Variants in CDH12 observed in about 807,000 individuals in gnomAD.
The protein encoded by CDH12 is cadherin 12.
In CDH12, 41 loss-of-function variants were observed where a neutral mutation model predicts 74.1. The ratio of observed to expected loss-of-function variants is 0.55; its 90% CI spans 0.43 to 0.72. The LOEUF (loss-of-function observed/expected upper bound fraction) is 0.72, where lower values mean the gene tolerates loss of function less well. Among genes scored for constraint, CDH12 ranks in the 30% least tolerant of loss-of-function variants. The pLI, the probability that CDH12 is intolerant of heterozygous loss-of-function variation, is 0.00. For synonymous variants in CDH12, 399 were observed against 355.0 expected (o/e 1.12, Z -1.39); for missense variants, 945 against 977.2 (o/e 0.97, Z 0.44).
intron 4 of CDH12, among the ~76,000 whole-genome samples, chr5:22,169,959 C>T (rs1296987139): frequency 1.3e-5 from 2 of 151,860 alleles, no homozygotes; most frequent in African/African-American, 4.8e-5. Flanking sequence ...GGTCCTATTT[C>T]TTAAAGTTAT....
intron 1 of CDH12, among the ~76,000 whole-genome samples, chr5:22,569,104 T>C (rs1739424280): frequency 6.6e-6 from 1 of 152,222 alleles, no homozygotes; most frequent in South Asian, 2.1e-4. Context: ...TAGCATTTGA[T>C]CCACAGTAGA....
chr5:22,053,036 T>G (rs1217828766), intron 5 of CDH12, among the ~76,000 whole-genome samples: 1 of 151,904 alleles, frequency 6.6e-6, no homozygotes, highest in Non-Finnish European at 1.5e-5. Flanking sequence ...TATATTTTTT[T>G]AAATTTAAGA....
chr5:22,233,298 C>CAA (rs200308137), intron 3 of CDH12, among the ~76,000 whole-genome samples: 1,488 of 146,672 alleles, frequency 0.01, 26 homozygotes, highest in African/African-American at 0.036. Flanking sequence ...CATAGACAAG[C>CAA]AAAAAAAATA....
chr5:22,644,973 G>T (rs1002025894), intron 1 of CDH12, among the ~76,000 whole-genome samples: 4 of 152,020 alleles, frequency 2.6e-5, no homozygotes, highest in Admixed American at 2.0e-4. Flanking sequence ...CCATTGTTGA[G>T]AACTGTTGCT....
intron 4 of CDH12, among the ~76,000 whole-genome samples, chr5:22,126,973 A>C (rs1408020637): frequency 6.6e-6 from 1 of 152,244 alleles, no homozygotes; most frequent in Non-Finnish European, 1.5e-5. Flanking sequence ...TCACCAAAGA[A>C]TGAGGAAGCG....
At chr5:22,339,748 C>T (rs1739761992) in intron 3 of CDH12, among the ~76,000 whole-genome samples, 1 of 152,084 alleles carries the variant, frequency 6.6e-6, no homozygotes, top group Non-Finnish European at 1.5e-5. Flanking sequence ...AAGCCTTTAG[C>T]AGGTCTTTGA....
At chr5:21,883,849 G>A in intron 6 of CDH12, 2 of 1,606,576 alleles carry the variant, frequency 1.2e-6, no homozygotes, top group Non-Finnish European at 8.5e-7. Context: ...AAGAAAGACA[G>A]AGTTACAGAT....
At chr5:22,273,646 A>G (rs532506418) in intron 3 of CDH12, among the ~76,000 whole-genome samples, 13 of 152,328 alleles carry the variant, frequency 8.5e-5, no homozygotes, top group Middle Eastern at 6.8e-3. Flanking sequence ...AAAAAGTTGC[A>G]ATGATAGAAG....
At chr5:22,681,368 T>G (rs1741485428) in intron 1 of CDH12, among the ~76,000 whole-genome samples, 1 of 151,786 alleles carries the variant, frequency 6.6e-6, no homozygotes, top group Admixed American at 6.6e-5. Flanking sequence ...TGTTTCATTT[T>G]TTTCCTAACC....
chr5:22,107,441 C>T (rs7447836), intron 4 of CDH12, among the ~76,000 whole-genome samples: 85,534 of 149,866 alleles, frequency 0.57, 24,772 homozygotes, highest in African/African-American at 0.67. Flanking sequence ...TTCTGCTCTT[C>T]ATATATATAT....
rs1046918372 is a variant in CDH12 at position 22,580,378 on chromosome 5, C to T, written c.-522-75014G>A. ...GCTCTGAAAATGCACACCAAGTGCA[C>T]GTGGTCCCCATCGTAGGGTGGGTAG... On this transcript the variant is annotated intron_variant, in intron 1 of 14. Transcript: ENST00000382254. 14 of 475,546 alleles carry T rather than the reference C, an allele frequency of 2.9e-5. 2 individuals are homozygous for T. Among genetic ancestry groups the T allele is most frequent in the Admixed American group, 2.5e-4 (11 of 44,522 alleles). 29.5% of individuals were successfully genotyped at this position (475,546 alleles called of 1,614,324 possible).
chr5:22,246,326 C>T (rs770531190), intron 3 of CDH12, among the ~76,000 whole-genome samples: 3 of 151,946 alleles, frequency 2.0e-5, no homozygotes, highest in Non-Finnish European at 2.9e-5. Context: ...CAATGTTTCA[C>T]GTAAAGATAA....
chr5:21,979,148 G>A (rs1258191824), intron 5 of CDH12, among the ~76,000 whole-genome samples: 1 of 152,062 alleles, frequency 6.6e-6, no homozygotes, highest in East Asian at 1.9e-4. Context: ...TTCCTTTGTA[G>A]CCATTTAAAA....
chr5:22,580,189 A>G (rs969005881), intron 1 of CDH12: 7 of 292,504 alleles, frequency 2.4e-5, no homozygotes, highest in Non-Finnish European at 4.8e-5. Context: ...CATTTTGGGT[A>G]TCCTTCTTAT....
At chr5:22,220,941 A>C (rs1751992423) in intron 3 of CDH12, among the ~76,000 whole-genome samples, 1 of 151,740 alleles carries the variant, frequency 6.6e-6, no homozygotes, top group African/African-American at 2.4e-5. Context: ...AGAGAGAAAC[A>C]GGTCATCTAC....
intron 1 of CDH12, among the ~76,000 whole-genome samples, chr5:22,710,730 G>T (rs988144114): frequency 2.0e-5 from 3 of 152,138 alleles, no homozygotes; most frequent in Non-Finnish European, 2.9e-5. Context: ...TTCACAATTA[G>T]TTGGTCTTTT....
intron 1 of CDH12, among the ~76,000 whole-genome samples, chr5:22,781,007 C>A (rs1747360306): frequency 6.6e-6 from 1 of 152,152 alleles, no homozygotes; most frequent in Non-Finnish European, 1.5e-5. Flanking sequence ...AGTCCTCTCT[C>A]TTCACTATAA....
Position 22,389,282 on chromosome 5 carries a change from ACCTTTT to A in CDH12, c.-333+15969_-333+15974del, listed in dbSNP as rs1370931815. On this transcript the variant is annotated intron_variant, in intron 3 of 14. Transcript: ENST00000382254. ...AGATTAATATGACCTTAACAATACC[ACCTTTT>A]CTTCATTTCATTTTACTTTTCAAGT... Among the ~76,000 whole-genome samples the A allele has an allele frequency of 3.3e-5, 5 of 152,054 alleles. No homozygotes were observed. In the South Asian group the frequency reaches 1.0e-3, roughly 31 times the overall value.
intron 3 of CDH12, among the ~76,000 whole-genome samples, chr5:22,226,604 TA>T (rs1752203072): frequency 6.6e-6 from 1 of 152,108 alleles, no homozygotes; most frequent in Non-Finnish European, 1.5e-5. Flanking sequence ...CTGACTTCAA[TA>T]TTTTGATAGC....
Sources: gnomAD v4.1 joint callset for allele counts (sites outside exome capture counted in the v4.1 genomes callset) on GRCh38, gnomAD v4.1.1 for gene constraint, MANE v1.5 for transcripts, NCBI Gene and HGNC (gene_info 2026-07-23, HGNC 2026-07-21) for gene names.